KCNN2: variants seen among roughly 807,000 people sequenced by gnomAD.
KCNN2 encodes the protein small conductance calcium-activated potassium channel protein 2.
KCNN2 carries 24 observed loss-of-function variants against 55.5 expected under a neutral mutation model. The observed-to-expected ratio is 0.43, with a 90% CI of 0.31 to 0.61. The LOEUF (loss-of-function observed/expected upper bound fraction) is 0.61, where lower values mean the gene tolerates loss of function less well. Ranked by LOEUF, KCNN2 falls within the 20% of genes least tolerant of loss-of-function variation. The pLI is 0.08. For missense variants in KCNN2, 754 were observed against 853.6 expected (o/e 0.88, Z 1.45); for synonymous variants, 431 against 336.1 (o/e 1.28, Z -3.09).
At chr5:114,451,981 C>T (rs760794758) in intron 3 of KCNN2, among the ~76,000 whole-genome samples, 4 of 150,518 alleles carry the variant, frequency 2.7e-5, no homozygotes, top group Non-Finnish European at 4.4e-5. Context: ...TGCCTGTTGC[C>T]ACTGCTGCTT....
intron 1 of KCNN2, among the ~76,000 whole-genome samples, chr5:114,172,184 A>T (rs1209984067): frequency 6.6e-6 from 1 of 151,956 alleles, no homozygotes; most frequent in African/African-American, 2.4e-5. Flanking sequence ...ACCAGTTTAC[A>T]CCACAAAGTG....
At chr5:114,476,663 C>T (rs1044963380) in intron 5 of KCNN2, among the ~76,000 whole-genome samples, 60 of 152,130 alleles carry the variant, frequency 3.9e-4, no homozygotes, top group Admixed American at 1.4e-3. Context: ...TCAGGTGATC[C>T]GCCTGCCTTA....
chr5:114,428,411 C>T (rs116358210), intron 3 of KCNN2, among the ~76,000 whole-genome samples: 4,241 of 152,170 alleles, frequency 0.028, 191 homozygotes, highest in African/African-American at 0.097. Flanking sequence ...TTGATATCTC[C>T]TAAAGTATAA....
intron 1 of KCNN2, among the ~76,000 whole-genome samples, chr5:114,151,041 C>CA (rs747505758): frequency 1.1e-4 from 17 of 151,574 alleles, no homozygotes; most frequent in African/African-American, 4.1e-4. Context: ...AAACAAACAA[C>CA]AACAAAAAAA....
At chr5:114,056,477 C>T (rs1750210255) in exon 1 of KCNN2, 2 of 398,432 alleles carry the variant, frequency 5.0e-6, no homozygotes, top group Non-Finnish European at 8.8e-6. Flanking sequence ...TCAAATGGAG[C>T]GGGACTCCTG....
rs571215991 is a variant in KCNN2, at chr5:114,292,406, A to G, written c.-184-68539A>G. Among the ~76,000 whole-genome samples, 962 of 152,310 alleles carry G rather than the reference A, an allele frequency of 6.3e-3. 9 individuals carry two copies. Among genetic ancestry groups the G allele is most frequent in the African/African-American group, 0.022 (923 of 41,556 alleles). ...AAGGGATCCAGTTTCAGCTTTCTACATATGGCTAGCCAGTTTTCCCAGCAC... is the reference window on the plus strand; with the variant it reads ...AAGGGATCCAGTTTCAGCTTTCTACGTATGGCTAGCCAGTTTTCCCAGCAC... On this transcript the variant is annotated intron_variant, in intron 2 of 10. Transcript: ENST00000512097.
At chr5:114,136,243 T>A (rs1752171494) in intron 1 of KCNN2, among the ~76,000 whole-genome samples, 1 of 152,148 alleles carries the variant, frequency 6.6e-6, no homozygotes, top group South Asian at 2.1e-4. Context: ...AATGCTATTA[T>A]CATGGGAGTG....
chr5:114,267,081 C>T (rs547508284), intron 2 of KCNN2, among the ~76,000 whole-genome samples: 63 of 151,184 alleles, frequency 4.2e-4, no homozygotes, highest in South Asian at 2.1e-3. Context: ...CTGCAACCTC[C>T]GCCTCCCAGG....
At chr5:114,266,982 C>T (rs954931640) in intron 2 of KCNN2, among the ~76,000 whole-genome samples, 1 of 135,664 alleles carries the variant, frequency 7.4e-6, no homozygotes, top group South Asian at 2.5e-4. Context: ...TCACGAACAC[C>T]CCTTCCCTCC....
At chr5:114,273,097 A>G (rs975478753) in intron 2 of KCNN2, among the ~76,000 whole-genome samples, 1 of 151,676 alleles carries the variant, frequency 6.6e-6, no homozygotes, top group Non-Finnish European at 1.5e-5. Flanking sequence ...TCATTGTTCA[A>G]CTCCCACTTA....
intron 2 of KCNN2, among the ~76,000 whole-genome samples, chr5:114,286,774 G>C (rs1043728598): frequency 6.6e-6 from 1 of 152,136 alleles, no homozygotes; most frequent in Non-Finnish European, 1.5e-5. Context: ...AGATAAAATT[G>C]CTTGGACAAA....
chr5:114,463,328 G>A lies in KCNN2; in HGVS notation c.1779+138G>A. ...ATCAGTATAAATAAATCAATTTTGT[G>A]TTGAGAGAGAATGTCAACAGTTTTC... is the stretch of plus-strand genomic sequence containing the variant. On this transcript the variant is annotated intron_variant, in intron 4 of 7. Coordinates refer to ENST00000673685, the MANE Select transcript of KCNN2 (RefSeq NM_021614.4). 1.1e-5 allele frequency: 7 copies of A among 621,024 alleles called. No homozygotes were observed. In the South Asian group the frequency reaches 2.0e-4, roughly 18 times the overall value. The allele number at this position is 621,024 out of a possible 1,614,324, so 38.5% of individuals were successfully genotyped here. A position where few individuals can be genotyped will look rare whatever the true frequency, so the allele number is the denominator to read the frequency against.
chr5:114,107,054 C>A (rs1246799114), intron 1 of KCNN2, among the ~76,000 whole-genome samples: 1 of 152,022 alleles, frequency 6.6e-6, no homozygotes, highest in Non-Finnish European at 1.5e-5. Context: ...CCATCTGGAA[C>A]TTATTTTTAT....
chr5:114,348,981 A>G (rs985014896), intron 2 of KCNN2, among the ~76,000 whole-genome samples: 18 of 139,814 alleles, frequency 1.3e-4, no homozygotes, highest in African/African-American at 4.4e-4. Flanking sequence ...CCAGAGTTAC[A>G]TAACCATCAC....
In KCNN2 at chr5:114,379,726, AT is replaced by A. The variant is rs796068644; in HGVS notation, c.1218+15728del. Reference sequence around the variant, plus strand: ...GAATATATTATATAACATATTATATATTTATAGAATATATTATATAACATAT... The same window carrying A: ...GAATATATTATATAACATATTATATATTATAGAATATATTATATAACATAT... On this transcript the variant is annotated intron_variant, in intron 2 of 7. Transcript: ENST00000673685. Among the ~76,000 whole-genome samples the A allele has an allele frequency of 5.5e-5, 7 of 126,166 alleles. No homozygotes were observed. The East Asian group carries it at 1.0e-3, about 19-fold the overall frequency. The allele number at this position is 126,166 out of a possible 152,430, so 82.8% of individuals were successfully genotyped here.
intron 1 of KCNN2, among the ~76,000 whole-genome samples, chr5:114,162,718 A>G (rs2112533183): frequency 6.6e-6 from 1 of 152,128 alleles, no homozygotes; most frequent in Middle Eastern, 3.4e-3. Flanking sequence ...CCCCTCCCCC[A>G]GCCTCGCTGC....
At chr5:114,396,478 A>G (rs758276517) in intron 2 of KCNN2, among the ~76,000 whole-genome samples, 5 of 152,104 alleles carry the variant, frequency 3.3e-5, no homozygotes, top group Non-Finnish European at 7.3e-5. Context: ...TTATACAGAT[A>G]AATTGTGTGT....
At chr5:114,421,391 A>G (rs1759466675) in intron 3 of KCNN2, among the ~76,000 whole-genome samples, 1 of 152,226 alleles carries the variant, frequency 6.6e-6, no homozygotes, top group African/African-American at 2.4e-5. Flanking sequence ...CTTGGGTTCA[A>G]GTGATTCTCC....
At chr5:114,450,723 C>T (rs780857725) in intron 3 of KCNN2, among the ~76,000 whole-genome samples, 2 of 152,144 alleles carry the variant, frequency 1.3e-5, no homozygotes, top group South Asian at 2.1e-4. Flanking sequence ...GGAGTAATAC[C>T]GCCCCCAGGG....
Sources: gnomAD v4.1 joint callset for allele counts (sites outside exome capture counted in the v4.1 genomes callset) on GRCh38, gnomAD v4.1.1 for gene constraint, MANE v1.5 for transcripts, NCBI Gene and HGNC (gene_info 2026-07-23, HGNC 2026-07-21) for gene names.